The following BICRAL variants were observed in gnomAD, a reference collection of about 807,000 sequenced individuals.
BICRAL encodes BICRA like chromatin remodeling complex associated protein, also known as BRD4-interacting chromatin-remodeling complex-associated protein-like.
Under a neutral mutation model 91.8 loss-of-function variants are expected in BICRAL, and 8 were observed. The observed-to-expected ratio is 0.09, with a 90% CI of 0.05 to 0.16. The LOEUF is 0.16. BICRAL is among the 10% of genes least tolerant of loss of function. The pLI is 1.00. For missense variants in BICRAL, 1,038 were observed against 1,310.9 expected (o/e 0.79, Z 3.21); for synonymous variants, 445 against 491.1 (o/e 0.91, Z 1.24).
At chr6:42,818,102 T>C (rs1764047623) in intron 2 of BICRAL, among the ~76,000 whole-genome samples, 1 of 152,112 alleles carries the variant, frequency 6.6e-6, no homozygotes, top group Non-Finnish European at 1.5e-5. Context: ...CTAGAGGTTA[T>C]ATGAGTCTGT....
At chr6:42,777,766 T>G (rs1025862408), upstream of BICRAL, among the ~76,000 whole-genome samples, 2 of 152,250 alleles carry the variant, frequency 1.3e-5, no homozygotes, top group African/African-American at 4.8e-5. Context: ...AACATTTCAA[T>G]TATATTTCCA....
intron 2 of BICRAL, chr6:42,821,131 G>T (rs1372360106): frequency 6.6e-6 from 1 of 152,190 alleles, no homozygotes; most frequent in Non-Finnish European, 1.5e-5. Flanking sequence ...CAGAACTCTT[G>T]GCCCTGGCAT....
chr6:42,858,302 G>A (rs775165659), intron 10 of BICRAL, among the ~76,000 whole-genome samples: 3 of 147,714 alleles, frequency 2.0e-5, no homozygotes, highest in Non-Finnish European at 3.0e-5. Context: ...GATCACCTGA[G>A]GTCAGGAGTT....
chr6:42,785,430 AG>A (rs1763074258), intron 1 of BICRAL, among the ~76,000 whole-genome samples: 1 of 151,688 alleles, frequency 6.6e-6, no homozygotes, highest in Admixed American at 6.6e-5. Context: ...GTGTGGTGGC[AG>A]GTGCCTGTAA....
chr6:42,782,804 C>G (rs1762958832), intron 1 of BICRAL, among the ~76,000 whole-genome samples: 1 of 150,854 alleles, frequency 6.6e-6, no homozygotes, highest in South Asian at 2.1e-4. Flanking sequence ...CGCGGCGGGG[C>G]CGCGAGCAGG....
At chr6:42,817,922 C>G (rs761575108) in intron 2 of BICRAL, among the ~76,000 whole-genome samples, 34 of 142,048 alleles carry the variant, frequency 2.4e-4, no homozygotes, top group Non-Finnish European at 4.5e-4. Context: ...CTCTTGAGCC[C>G]AGAAATTCAA....
intron 1 of BICRAL, among the ~76,000 whole-genome samples, chr6:42,764,613 C>T (rs80293404): frequency 2.6e-5 from 4 of 151,710 alleles, no homozygotes; most frequent in East Asian, 1.9e-4. Context: ...TACACATACA[C>T]GACTTGAGAG....
chr6:42,797,642 C>A (rs1763451217), intron 1 of BICRAL, among the ~76,000 whole-genome samples: 1 of 152,010 alleles, frequency 6.6e-6, no homozygotes, highest in African/African-American at 2.4e-5. Context: ...TAATGCCAAC[C>A]CATTTGGGTC....
intron 6 of BICRAL, among the ~76,000 whole-genome samples, chr6:42,834,806 C>T (rs1170461063): frequency 1.3e-5 from 2 of 152,086 alleles, no homozygotes; most frequent in Non-Finnish European, 2.9e-5. Context: ...AACAAATGTT[C>T]TGTGTTTATC....
At chr6:42,751,411 A>C (rs1221053831) in intron 1 of BICRAL, among the ~76,000 whole-genome samples, 1 of 152,146 alleles carries the variant, frequency 6.6e-6, no homozygotes, top group East Asian at 1.9e-4. Flanking sequence ...GTATTTGTTA[A>C]ATTTTAAACG....
chr6:42,833,268 G>A (rs947352794), intron 6 of BICRAL, among the ~76,000 whole-genome samples: 3 of 151,712 alleles, frequency 2.0e-5, no homozygotes, highest in Admixed American at 6.6e-5. Flanking sequence ...TGTTAGCCAG[G>A]TGACCTCCTG....
Position 42,830,066 on chromosome 6 carries a change from C to T in BICRAL, c.1733C>T (p.Pro578Leu), listed in dbSNP as rs1359557944. Residue 578 changes from proline (P) to leucine (L), a missense_variant, in exon 6 of 13, where the codon CCA becomes CTA. Physicochemically the swap from Pro to Leu is moderately conservative, Grantham distance 98 (BLOSUM62 -3). This residue lies in a region of BICRAL where 532 missense variants were observed against 724.9 expected (regional missense o/e 0.73). Coordinates refer to ENST00000314073, the MANE Select transcript of BICRAL (RefSeq NM_001393499.1). ...CAGCTGACCCAGCCAAACAGGACTC[C>T]AGTACCAGTCAGTGTGTCTCATCGT... ...GDQLTQPNRT[P>L]VPVSVSHRLP... 6.2e-7 allele frequency: 1 copy of T among 1,614,170 alleles called. No homozygotes were observed. Among genetic ancestry groups the T allele is most frequent in the Admixed American group, 1.7e-5 (1 of 60,016 alleles).
Position 42,829,027 on chromosome 6 carries a change from G to T in BICRAL, c.694G>T (p.Asp232Tyr). 1 of 1,613,930 alleles carries T rather than the reference G, an allele frequency of 6.2e-7. No homozygotes were observed. Among genetic ancestry groups the T allele is most frequent in the Non-Finnish European group, 8.5e-7 (1 of 1,179,814 alleles). ...HPSMMTINNL[D>Y]GSQIILKGSG... ...TTCCATGATGACTATTAATAACCTA[G>T]ATGGATCTCAAATCATATTAAAGGG... Residue 232 changes from aspartate to tyrosine, a missense_variant, in exon 6 of 13, where the codon GAT (aspartate) becomes TAT (tyrosine). Physicochemically the swap from Asp to Tyr is radical, Grantham distance 160. Around this residue, in one of 5 missense-constraint regions of BICRAL, gnomAD observed 532 missense variants for 724.9 expected, o/e 0.73. Coordinates refer to ENST00000314073, the MANE Select transcript of BICRAL (RefSeq NM_001393499.1).
intron 1 of BICRAL, among the ~76,000 whole-genome samples, chr6:42,761,835 G>A (rs1762554939): frequency 6.6e-6 from 1 of 151,980 alleles, no homozygotes; most frequent in African/African-American, 2.4e-5. Flanking sequence ...GATGACTTGA[G>A]CCCAGGAGGT....
At position 42,868,146 on chromosome 6, in the gene BICRAL, C is replaced by T. The variant is rs1454215168; in HGVS notation, c.*2700C>T. On this transcript the variant is annotated 3_prime_UTR_variant, in exon 13 of 13. Coordinates refer to ENST00000314073, the MANE Select transcript of BICRAL (RefSeq NM_001393499.1). ...ATTTGATTTTCTGTGTCCTTAAGTACTTCCTGAAGATGAAGCAAAATTTTA... is the reference window on the plus strand; with the variant it reads ...ATTTGATTTTCTGTGTCCTTAAGTATTTCCTGAAGATGAAGCAAAATTTTA... 6.8e-6 allele frequency: 1 copy of T among 147,644 alleles called. No homozygotes were observed. Among genetic ancestry groups the T allele is most frequent in the Non-Finnish European group, 1.5e-5 (1 of 67,302 alleles). 9.1% of individuals were successfully genotyped at this position (147,644 alleles called of 1,614,324 possible). A position where few individuals can be genotyped will look rare whatever the true frequency, so the allele number is the denominator to read the frequency against.
chr6:42,769,501 T>C (rs1762687843), intron 1 of BICRAL, among the ~76,000 whole-genome samples: 1 of 152,178 alleles, frequency 6.6e-6, no homozygotes, highest in Admixed American at 6.5e-5. Context: ...CTAGGGGCCA[T>C]CTTGGAAGTT....
At chr6:42,821,580 G>C (rs1029402577) in intron 2 of BICRAL, among the ~76,000 whole-genome samples, 2 of 152,152 alleles carry the variant, frequency 1.3e-5, no homozygotes, top group East Asian at 3.8e-4. Flanking sequence ...GGCAAAAAAT[G>C]TAGGTTGCTC....
intron 6 of BICRAL, among the ~76,000 whole-genome samples, chr6:42,836,708 G>A (rs1427507702): frequency 1.1e-4 from 15 of 140,598 alleles, no homozygotes; most frequent in African/African-American, 1.1e-4. Context: ...TGCAACCTCC[G>A]CCTCCTGGGT....
At chr6:42,844,922 G>C (rs1420605192) in intron 6 of BICRAL, among the ~76,000 whole-genome samples, 1 of 152,122 alleles carries the variant, frequency 6.6e-6, no homozygotes, top group Non-Finnish European at 1.5e-5. Flanking sequence ...GCAAGAGAAG[G>C]TGGGAAAGGG....
Sources: gnomAD v4.1 joint callset for allele counts (sites outside exome capture counted in the v4.1 genomes callset) on GRCh38, gnomAD v4.1.1 for gene constraint, gnomAD v4.1.1 regional missense constraint, MANE v1.5 for transcripts, NCBI Gene and HGNC (gene_info 2026-07-23, HGNC 2026-07-21) for gene names.